The following CREBL2 variants were observed in gnomAD, a reference collection of about 807,000 sequenced individuals.
CREBL2 encodes cAMP-responsive element-binding protein-like 2.
Under a neutral mutation model 19.5 loss-of-function variants are expected in CREBL2, and 4 were observed. The ratio of observed to expected loss-of-function variants is 0.20; its 90% CI spans 0.10 to 0.47. The LOEUF (loss-of-function observed/expected upper bound fraction) is 0.47, where lower values mean the gene tolerates loss of function less well. Among genes scored for constraint, CREBL2 ranks in the 20% least tolerant of loss-of-function variants. The pLI, the probability that CREBL2 is intolerant of heterozygous loss-of-function variation, is 0.98. For missense variants in CREBL2, 85 were observed against 145.1 expected (o/e 0.59, Z 2.13); for synonymous variants, 42 against 46.6 (o/e 0.90, Z 0.40).
intron 2 of CREBL2, among the ~76,000 whole-genome samples, chr12:12,637,052 T>G (rs1945480623): frequency 6.6e-6 from 1 of 152,262 alleles, no homozygotes; most frequent in Non-Finnish European, 1.5e-5. Flanking sequence ...TCTTACTTTC[T>G]GCAGTGTAAG....
chr12:12,617,239 A>T (rs1945317583), intron 1 of CREBL2, among the ~76,000 whole-genome samples: 1 of 152,210 alleles, frequency 6.6e-6, no homozygotes, highest in South Asian at 2.1e-4. Context: ...CTCGGGCTTT[A>T]TTAATCAGTG....
At chr12:12,618,867 G>A (rs900361573) in intron 1 of CREBL2, among the ~76,000 whole-genome samples, 5 of 152,138 alleles carry the variant, frequency 3.3e-5, no homozygotes, top group African/African-American at 9.7e-5. Flanking sequence ...GCGAAACCCC[G>A]TCTCCACCAA....
chr12:12,639,624 T>G (rs1422827309), intron 3 of CREBL2, among the ~76,000 whole-genome samples: 1 of 151,476 alleles, frequency 6.6e-6, no homozygotes, highest in Non-Finnish European at 1.5e-5. Flanking sequence ...CCTGCTCATG[T>G]TTTAATTAGG....
chr12:12,629,241 C>T (rs1945424911), intron 1 of CREBL2, among the ~76,000 whole-genome samples: 1 of 152,184 alleles, frequency 6.6e-6, no homozygotes, highest in Admixed American at 6.5e-5. Context: ...AATCTTCCAG[C>T]CCACTAACAT....
At chr12:12,615,177 A>C (rs1945300704) in intron 1 of CREBL2, among the ~76,000 whole-genome samples, 1 of 151,802 alleles carries the variant, frequency 6.6e-6, no homozygotes, top group African/African-American at 2.4e-5. Flanking sequence ...ACCACAACCG[A>C]TTAATTTTTG....
rs869253910 is a variant in CREBL2, at chr12:12,632,068, C to CTTTTTTTTTTTTTTTTTTTTT, written c.16-3702_16-3682dup. On this transcript the variant is annotated intron_variant, in intron 1 of 3. Coordinates refer to ENST00000228865, the MANE Select transcript of CREBL2 (RefSeq NM_001310.4). ...CCTTGGATTCATATACTATGCCTTTCTTTTTTTTTTTTTTTTTTTTTTTTT... is the reference window on the plus strand; with the variant it reads ...CCTTGGATTCATATACTATGCCTTTCTTTTTTTTTTTTTTTTTTTTTTTTTTTTTTTTTTTTTTTTTTTTTT... 7.4e-5 allele frequency among the ~76,000 whole-genome samples: 6 copies of CTTTTTTTTTTTTTTTTTTTTT among 80,598 alleles called. 2 individuals are homozygous for CTTTTTTTTTTTTTTTTTTTTT. Among genetic ancestry groups the CTTTTTTTTTTTTTTTTTTTTT allele is most frequent in the African/African-American group, 3.1e-4 (6 of 19,386 alleles). The allele number at this position is 80,598 out of a possible 152,430, so 52.9% of individuals were successfully genotyped here.
intron 1 of CREBL2, among the ~76,000 whole-genome samples, chr12:12,617,725 T>G (rs1233367132): frequency 7.5e-6 from 1 of 133,778 alleles, no homozygotes; most frequent in Non-Finnish European, 1.6e-5. Context: ...AGAGGGGGAT[T>G]TGGCAGGGTC....
chr12:12,635,974 G>A lies in CREBL2; in HGVS notation c.213G>A (p.Met71Ile). The A allele has an allele frequency of 6.2e-7, 1 of 1,611,454 alleles. No homozygotes were observed. The highest frequency in any genetic ancestry group is 8.5e-7 in the Non-Finnish European group (1 of 1,178,864). ...AICALREELE[M>I]YKQWCMAMDQ... is the part of the protein sequence containing the mutation. Reference sequence around the variant, plus strand: ...GTGCCCTCAGAGAGGAACTGGAAATGGTAAGAAATCGTCAGTAAACACATG... The same window carrying A: ...GTGCCCTCAGAGAGGAACTGGAAATAGTAAGAAATCGTCAGTAAACACATG... Residue 71 changes from methionine to isoleucine, a missense_variant and splice_region_variant, in exon 2 of 4, where the codon ATG becomes ATA. Physicochemically the swap from Met to Ile is conservative, Grantham distance 10. This residue lies in a region of CREBL2 where 22 missense variants were observed against 46.7 expected (regional missense o/e 0.47). Transcript: ENST00000228865.
In CREBL2 at chr12:12,611,963, T is replaced by G. The variant is rs2136296764; in HGVS notation, c.-210T>G. On this transcript the variant is annotated 5_prime_UTR_variant, in exon 1 of 4. Coordinates refer to ENST00000228865, the MANE Select transcript of CREBL2 (RefSeq NM_001310.4). ...AGGCGGCGGCGGCGAAGGGAGGCGT[T>G]TGGGGCCGCCTCCAGGGTCCGCTCT... 3 of 595,550 alleles carry G rather than the reference T, an allele frequency of 5.0e-6. No homozygotes were observed. The highest frequency in any genetic ancestry group is 2.9e-6 in the Non-Finnish European group (1 of 342,716). 36.9% of individuals were successfully genotyped at this position (595,550 alleles called of 1,614,324 possible). A position where few individuals can be genotyped will look rare whatever the true frequency, so the allele number is the denominator to read the frequency against.
At chr12:12,641,253 A>ATTATTATTTTTTTTTTTTT (rs1478394376) in intron 3 of CREBL2, among the ~76,000 whole-genome samples, 2 of 78,262 alleles carry the variant, frequency 2.6e-5, no homozygotes, top group Non-Finnish European at 5.0e-5. Flanking sequence ...TATTATTATT[A>ATTATTATTTTTTTTTTTTT]TTTTTTTTTA....
intron 1 of CREBL2, among the ~76,000 whole-genome samples, chr12:12,625,689 A>T (rs953157078): frequency 6.6e-6 from 1 of 152,220 alleles, no homozygotes; most frequent in Non-Finnish European, 1.5e-5. Flanking sequence ...CTTGTCATCT[A>T]TGAAATGAAG....
In CREBL2 at chr12:12,639,868, G is replaced by A. The variant is rs186888856; in HGVS notation, c.359-2126G>A. Among the ~76,000 whole-genome samples the A allele has an allele frequency of 7.8e-4, 118 of 152,244 alleles. 1 individual carries two copies. The highest frequency in any genetic ancestry group is 2.6e-3 in the Admixed American group (40 of 15,276). On this transcript the variant is annotated intron_variant, in intron 3 of 3. Transcript: ENST00000228865. ...TTTTATTAAGGGTTTCAAAAGGGGA[G>A]GTGGTGTAAGAACAGGGAGTAGGCA... is the stretch of plus-strand genomic sequence containing the variant.
rs1945534962 is a variant in CREBL2 at position 12,642,861 on chromosome 12, A to ATGTATGTATGTTTCTTAT, written c.*870_*871insATGTTTCTTATTGTATGT. 1 of 152,642 alleles carries ATGTATGTATGTTTCTTAT rather than the reference A, an allele frequency of 6.6e-6. No homozygotes were observed. Among genetic ancestry groups the ATGTATGTATGTTTCTTAT allele is most frequent in the Non-Finnish European group, 1.5e-5 (1 of 68,042 alleles). The allele number at this position is 152,642 out of a possible 1,614,324, so 9.5% of individuals were successfully genotyped here. On this transcript the variant is annotated 3_prime_UTR_variant, in exon 4 of 4. Coordinates refer to ENST00000228865, the MANE Select transcript of CREBL2 (RefSeq NM_001310.4). ...TATGTTTCTTATTGTATGTCTATAT[A>ATGTATGTATGTTTCTTAT]TGTATGTGGGGAGGACAGGAGTGAA...
chr12:12,641,975 G>T lies in CREBL2; in HGVS notation c.359-19G>T. On this transcript the variant is annotated intron_variant, in intron 3 of 3. Transcript: ENST00000228865. ...TTGACTCTAAAAACATTCTTACATT[G>T]GTAACTTTTATTTTTCAGGGTGAAG... 2 of 1,528,928 alleles carry T rather than the reference G, an allele frequency of 1.3e-6. No individual in the cohort carries two copies. The highest frequency in any genetic ancestry group is 1.8e-6 in the Non-Finnish European group (2 of 1,110,930). The allele number at this position is 1,528,928 out of a possible 1,614,324, so 94.7% of individuals were successfully genotyped here.
intron 1 of CREBL2, among the ~76,000 whole-genome samples, chr12:12,623,296 G>T (rs1945375007): frequency 6.6e-6 from 1 of 151,962 alleles, no homozygotes; most frequent in African/African-American, 2.4e-5. Context: ...CACAGCTTCT[G>T]TGCTTGAGGA....
intron 1 of CREBL2, among the ~76,000 whole-genome samples, chr12:12,631,787 TTC>T (rs1945444167): frequency 6.6e-6 from 1 of 152,234 alleles, no homozygotes; most frequent in Non-Finnish European, 1.5e-5. Flanking sequence ...TAATACTTTT[TTC>T]TCTTTTATTT....
At chr12:12,627,533 G>A (rs1279948929) in intron 1 of CREBL2, among the ~76,000 whole-genome samples, 1 of 152,180 alleles carries the variant, frequency 6.6e-6, no homozygotes, top group African/African-American at 2.4e-5. Context: ...AAGGCTATCA[G>A]TGTTGTACCG....
At chr12:12,639,682 C>A (rs1303093824) in intron 3 of CREBL2, among the ~76,000 whole-genome samples, 1 of 152,086 alleles carries the variant, frequency 6.6e-6, no homozygotes, top group Non-Finnish European at 1.5e-5. Context: ...GAACCTGCCC[C>A]CAATATTTCA....
chr12:12,630,111 C>T (rs945490465), intron 1 of CREBL2, among the ~76,000 whole-genome samples: 2 of 152,026 alleles, frequency 1.3e-5, no homozygotes, highest in African/African-American at 2.4e-5. Context: ...ATATTGGCCT[C>T]GTGGAGTAAG....
Sources: gnomAD v4.1 joint callset for allele counts (sites outside exome capture counted in the v4.1 genomes callset) on GRCh38, gnomAD v4.1.1 for gene constraint, gnomAD v4.1.1 regional missense constraint, MANE v1.5 for transcripts, NCBI Gene and HGNC (gene_info 2026-07-23, HGNC 2026-07-21) for gene names.